Variants in ACSBG1 observed in about 807,000 individuals in gnomAD.
The protein encoded by ACSBG1 is long-chain-fatty-acid--CoA ligase ACSBG1.
Under a neutral mutation model 80.2 loss-of-function variants are expected in ACSBG1, and 39 were observed. The ratio of observed to expected loss-of-function variants is 0.49; its 90% CI spans 0.38 to 0.64. The LOEUF (loss-of-function observed/expected upper bound fraction) is 0.64. ACSBG1 is among the 30% of genes least tolerant of loss of function. ACSBG1 has a pLI of 0.00. For synonymous variants in ACSBG1, 392 were observed against 379.5 expected, an observed-to-expected ratio of 1.03 and a Z score of -0.38; for missense variants, 828 against 966.4, an observed-to-expected ratio of 0.86 and a Z score of 1.90.
At chr15:78,175,821 AGAG>A (rs1223022178) in intron 11 of ACSBG1, among the ~76,000 whole-genome samples, 1 of 152,172 alleles carries the variant, frequency 6.6e-6, no homozygotes, top group Non-Finnish European at 1.5e-5. Flanking sequence ...AGTCAGGTGA[AGAG>A]GAGAAGACAG....
At chr15:78,230,334 G>C (rs887356038) in intron 1 of ACSBG1, among the ~76,000 whole-genome samples, 1 of 152,220 alleles carries the variant, frequency 6.6e-6, no homozygotes, top group Admixed American at 6.5e-5. Flanking sequence ...GGCAGGGAAG[G>C]GAACTCTCGT....
chr15:78,215,130 C>T (rs759628276), intron 1 of ACSBG1, among the ~76,000 whole-genome samples: 14 of 152,044 alleles, frequency 9.2e-5, no homozygotes, highest in Non-Finnish European at 1.5e-4. Context: ...ATTAACGACC[C>T]CAATCCTAGT....
chr15:78,231,723 G>A (rs1311206105), intron 1 of ACSBG1, among the ~76,000 whole-genome samples: 1 of 152,076 alleles, frequency 6.6e-6, no homozygotes, highest in African/African-American at 2.4e-5. Context: ...TGAGTAGGTG[G>A]GACTACAGGT....
At chr15:78,224,635 G>A (rs1234772352) in intron 1 of ACSBG1, among the ~76,000 whole-genome samples, 1 of 152,106 alleles carries the variant, frequency 6.6e-6, no homozygotes, top group Non-Finnish European at 1.5e-5. Context: ...GCAGGAGAAT[G>A]GCATGAACCC....
chr15:78,178,951 G>C lies in ACSBG1; in HGVS notation c.1485-120C>G, dbSNP rs1278770867. 2.9e-6 allele frequency: 3 copies of C among 1,036,632 alleles called. No homozygotes were observed. The highest frequency in any genetic ancestry group is 1.6e-5 in the African/African-American group (1 of 62,086). The allele number at this position is 1,036,632 out of a possible 1,614,324, so 64.2% of individuals were successfully genotyped here. On this transcript the variant is annotated intron_variant, in intron 10 of 13. Coordinates refer to ENST00000258873, the MANE Select transcript of ACSBG1 (RefSeq NM_015162.5). The surrounding 1 kb of genome is among the most constrained non-coding windows in gnomAD (Gnocchi z 4.3). Reference sequence around the variant, plus strand: ...ATTGCTAGAAGGTATCCCCTCACAGGGCTTTTGTATTTTTACAGGGGACTT... The same window carrying C: ...ATTGCTAGAAGGTATCCCCTCACAGCGCTTTTGTATTTTTACAGGGGACTT...
At position 78,173,674 on chromosome 15, in the gene ACSBG1, T is replaced by C; in HGVS notation, c.2008A>G (p.Met670Val). 2 of 1,614,248 alleles carry C rather than the reference T, an allele frequency of 1.2e-6. No homozygotes were observed. The highest frequency in any genetic ancestry group is 1.7e-6 in the Non-Finnish European group (2 of 1,180,052). ...AIEEGIRRVN[M>V]NAAARPYHIQ... ...TGGTAGGGCCGGGCCGCCGCGTTCATGTTGACCCTCCGGATCCCCTCTTCG... is the reference window on the plus strand; with the variant it reads ...TGGTAGGGCCGGGCCGCCGCGTTCACGTTGACCCTCCGGATCCCCTCTTCG... Residue 670 changes from methionine to valine, a missense_variant, in exon 13 of 14, where the codon ATG becomes GTG. Met to Val is a conservative substitution (Grantham distance 21). Transcript: ENST00000258873.
chr15:78,204,440 C>T (rs2075195789), intron 2 of ACSBG1, among the ~76,000 whole-genome samples: 1 of 152,190 alleles, frequency 6.6e-6, no homozygotes, highest in Admixed American at 6.5e-5. Context: ...CAGCCAGAAG[C>T]CCTGGGCTGG....
intron 5 of ACSBG1, among the ~76,000 whole-genome samples, chr15:78,192,990 TCCAGAAAAGCC>T (rs954210073): frequency 1.3e-5 from 2 of 152,054 alleles, no homozygotes; most frequent in African/African-American, 4.8e-5. Context: ...TCATCAATGC[TCCAGAAAAGCC>T]CCCGCTGGCT....
chr15:78,185,243 A>G (rs2074989872), intron 5 of ACSBG1, among the ~76,000 whole-genome samples: 2 of 152,162 alleles, frequency 1.3e-5, no homozygotes, highest in Non-Finnish European at 2.9e-5. Flanking sequence ...TTGACTCCCC[A>G]TCTGCTCATG....
At chr15:78,173,864 G>A in intron 12 of ACSBG1, 25 bp from the exon 13 acceptor site, 1 of 1,607,890 alleles carries the variant, frequency 6.2e-7, no homozygotes, top group Non-Finnish European at 8.5e-7. Flanking sequence ...ATCAGATGAG[G>A]ACCAAGCCTT....
rs2074784837 is a variant in ACSBG1 at position 78,168,879 on chromosome 15, G to C, written c.*2565C>G. The C allele has an allele frequency of 3.0e-6, 4 of 1,320,450 alleles. No individual in the cohort carries two copies. Among genetic ancestry groups the C allele is most frequent in the Non-Finnish European group, 3.3e-6 (3 of 921,070 alleles). The allele number at this position is 1,320,450 out of a possible 1,614,324, so 81.8% of individuals were successfully genotyped here. ...TTTAAAATCTCCTTGGTTTAGTTTA[G>C]TTTGCGGATACATCTTTTATTTTTG... On this transcript the variant is annotated 3_prime_UTR_variant, in exon 14 of 14. Coordinates refer to ENST00000258873, the MANE Select transcript of ACSBG1 (RefSeq NM_015162.5).
rs200309242 is a variant in ACSBG1, at chr15:78,193,976, G to A, written c.498C>T (p.Asn166=). 7.4e-6 allele frequency: 12 copies of A among 1,614,058 alleles called. No individual in the cohort carries two copies. In the African/African-American group the frequency reaches 1.6e-4, roughly 22 times the overall value. The change falls in exon 4 of 14, where the codon AAC becomes AAT. Residue 166 remains asparagine (N), a synonymous_variant. Transcript: ENST00000258873. ...QAHSVAILGF[N]SPEWFFSAVG... is the part of the protein sequence containing the mutation. ...CTGCCGAGAAGAACCACTCCGGGGA[G>A]TTGAAGCCGAGGATGGCCACACTGT...
rs1567096317 is a variant in ACSBG1 at position 78,215,746 on chromosome 15, GAAAGAAAGA to G, written c.132-7653_132-7645del. On this transcript the variant is annotated intron_variant, in intron 1 of 13. Coordinates refer to ENST00000258873, the MANE Select transcript of ACSBG1 (RefSeq NM_015162.5). ...AAAGAGAAAGAAAGAAAGAAAGAAA[GAAAGAAAGA>G]AAGAAAGAAAGAAAGAAAGAAAGAA... 2.5e-4 allele frequency among the ~76,000 whole-genome samples: 37 copies of G among 145,310 alleles called. No homozygotes were observed. In the South Asian group the frequency reaches 3.8e-3, roughly 15 times the overall value.
At chr15:78,201,624 T>C (rs1286581094) in intron 2 of ACSBG1, among the ~76,000 whole-genome samples, 2 of 152,216 alleles carry the variant, frequency 1.3e-5, no homozygotes, top group East Asian at 1.9e-4. Flanking sequence ...TCTTCTAGCC[T>C]GGGGTGTGCA....
At chr15:78,230,238 AC>A in intron 1 of ACSBG1, among the ~76,000 whole-genome samples, 1 of 152,262 alleles carries the variant, frequency 6.6e-6, no homozygotes, top group East Asian at 1.9e-4. Context: ...CTCAGACCCC[AC>A]GGGTTTTGCC....
intron 8 of ACSBG1, chr15:78,181,225 TCC>T: frequency 4.9e-6 from 2 of 405,106 alleles, no homozygotes; most frequent in Admixed American, 4.1e-5. Context: ...AGAATCCCAT[TCC>T]CCTCGGCAGC....
At chr15:78,216,174 G>C (rs542388974) in intron 1 of ACSBG1, among the ~76,000 whole-genome samples, 1 of 152,206 alleles carries the variant, frequency 6.6e-6, no homozygotes, top group Non-Finnish European at 1.5e-5. Flanking sequence ...GTTCCCTGAG[G>C]ATCCTCCTTC....
rs1555434842 is a variant in ACSBG1 at position 78,226,793 on chromosome 15, T to TATATATA, written c.131+7571_131+7577dup. On this transcript the variant is annotated intron_variant, in intron 1 of 13. Transcript: ENST00000258873. ...AGTAGAACACATAGAAAAATATATA[T>TATATATA]ATATATATAATATATATATATGACC... Among the ~76,000 whole-genome samples the TATATATA allele has an allele frequency of 7.8e-4, 100 of 128,970 alleles. 1 individual carries two copies. Among genetic ancestry groups the TATATATA allele is most frequent in the African/African-American group, 2.0e-3 (67 of 33,824 alleles). 84.6% of individuals were successfully genotyped at this position (128,970 alleles called of 152,430 possible).
intron 2 of ACSBG1, among the ~76,000 whole-genome samples, chr15:78,205,380 T>G (rs2075204049): frequency 6.6e-6 from 1 of 152,034 alleles, no homozygotes; most frequent in Admixed American, 6.6e-5. Context: ...CTGATTCCTG[T>G]GTACAAGACT....
Sources: allele counts gnomAD v4.1 joint callset (sites outside exome capture counted in the v4.1 genomes callset), GRCh38; gene constraint gnomAD v4.1.1; non-coding constraint Gnocchi (gnomAD v3.1); transcripts MANE v1.5; gene names NCBI Gene and HGNC (gene_info 2026-07-23, HGNC 2026-07-21).